Variants in LINGO2 observed in about 807,000 individuals in gnomAD.
LINGO2 encodes leucine-rich repeat and immunoglobulin-like domain-containing nogo receptor-interacting protein 2.
Under a neutral mutation model 30.6 loss-of-function variants are expected in LINGO2, and 14 were observed. The observed-to-expected ratio is 0.46, with a 90% confidence interval of 0.30 to 0.72. The LOEUF (loss-of-function observed/expected upper bound fraction) is 0.72. Ranked by LOEUF, LINGO2 falls within the 30% of genes least tolerant of loss-of-function variation. The probability of loss-of-function intolerance (pLI) is 0.07; values close to 1 mark genes in which losing one functional copy is unlikely to be tolerated. For missense variants in LINGO2, 729 were observed against 751.7 expected (o/e 0.97, Z 0.35); for synonymous variants, 317 against 288.5 (o/e 1.10, Z -1.00).
chr9:28,813,772 G>A, the LINGO2 span, among the ~76,000 whole-genome samples: 1 of 152,156 alleles, frequency 6.6e-6, no homozygotes, highest in African/African-American at 2.4e-5. Context: ...CTTTAGATTA[G>A]GTAATCAAAG....
chr9:28,541,739 A>G (rs1821708356), intron 1 of LINGO2, among the ~76,000 whole-genome samples: 1 of 152,196 alleles, frequency 6.6e-6, no homozygotes, highest in African/African-American at 2.4e-5. Context: ...AAATCATTAC[A>G]GGGAGCAGAT....
the LINGO2 span, among the ~76,000 whole-genome samples, chr9:29,044,811 C>T: frequency 1.8e-4 from 27 of 152,092 alleles, no homozygotes; most frequent in South Asian, 1.9e-3. Flanking sequence ...CTGGAGCCTA[C>T]GTACACTGCT....
At chr9:28,719,276 G>A in the LINGO2 span, among the ~76,000 whole-genome samples, 184 of 152,044 alleles carry the variant, frequency 1.2e-3, 1 homozygote, top group African/African-American at 4.1e-3. Flanking sequence ...CAACGAACAT[G>A]TTGAACACTC....
chr9:28,344,527 G>A (rs1046031972), intron 3 of LINGO2, among the ~76,000 whole-genome samples: 2 of 151,870 alleles, frequency 1.3e-5, no homozygotes, highest in African/African-American at 4.8e-5. Context: ...AAAGTATCTG[G>A]GTATATATAC....
chr9:28,334,763 G>A (rs1462741180), intron 3 of LINGO2, among the ~76,000 whole-genome samples: 2 of 152,112 alleles, frequency 1.3e-5, no homozygotes, highest in Admixed American at 6.6e-5. Context: ...GCAGGTATTG[G>A]AGCACCACAG....
chr9:29,000,279 C>G, the LINGO2 span, among the ~76,000 whole-genome samples: 68 of 151,874 alleles, frequency 4.5e-4, no homozygotes, highest in Admixed American at 1.1e-3. Context: ...TCTTTCTATT[C>G]ATTTTGTGAG....
intron 2 of LINGO2, among the ~76,000 whole-genome samples, chr9:28,424,079 T>C (rs569902445): frequency 6.6e-6 from 1 of 152,096 alleles, no homozygotes; most frequent in African/African-American, 2.4e-5. Context: ...CTTGTCCACA[T>C]TGTCTGTCAT....
chr9:28,488,544 T>C (rs1460322596), intron 1 of LINGO2, among the ~76,000 whole-genome samples: 8 of 152,162 alleles, frequency 5.3e-5, no homozygotes, highest in African/African-American at 2.4e-5. Flanking sequence ...TAATTGTTTA[T>C]ATATTAAGCA....
the LINGO2 span, among the ~76,000 whole-genome samples, chr9:28,789,615 T>C: frequency 6.6e-6 from 1 of 152,090 alleles, no homozygotes; most frequent in South Asian, 2.1e-4. Context: ...AGGTCTAGAA[T>C]TTACACCATG....
chr9:29,205,688 G>T, the LINGO2 span, among the ~76,000 whole-genome samples: 1 of 152,132 alleles, frequency 6.6e-6, no homozygotes, highest in Non-Finnish European at 1.5e-5. Context: ...AGTTTACTTT[G>T]TAGGAAGATT....
chr9:27,987,992 T>TC (rs1821206880), intron 5 of LINGO2, among the ~76,000 whole-genome samples: 1 of 152,034 alleles, frequency 6.6e-6, no homozygotes, highest in Non-Finnish European at 1.5e-5. Context: ...CCTAATGCTA[T>TC]CCCTCCTCCA....
chr9:29,201,536 T>A, the LINGO2 span, among the ~76,000 whole-genome samples: 1 of 152,068 alleles, frequency 6.6e-6, no homozygotes, highest in South Asian at 2.1e-4. Context: ...TTGTTATCTT[T>A]GTTCTATAAC....
intron 1 of LINGO2, among the ~76,000 whole-genome samples, chr9:28,641,992 G>T (rs914179823): frequency 2.7e-5 from 4 of 150,280 alleles, no homozygotes; most frequent in Admixed American, 6.6e-5. Context: ...TCTCACATAT[G>T]CTCTGTATTT....
At chr9:28,169,410 A>T (rs1355154886) in intron 4 of LINGO2, among the ~76,000 whole-genome samples, 2 of 152,248 alleles carry the variant, frequency 1.3e-5, no homozygotes, top group Non-Finnish European at 2.9e-5. Flanking sequence ...CAGAATAAGA[A>T]TGAGGCTTTT....
intron 5 of LINGO2, among the ~76,000 whole-genome samples, chr9:27,993,682 A>G (rs1008297535): frequency 6.6e-6 from 1 of 152,166 alleles, no homozygotes; most frequent in African/African-American, 2.4e-5. Context: ...GTAATTTATT[A>G]GTGTCTAAAT....
At position 28,287,210 on chromosome 9, in the gene LINGO2, C is replaced by G. The variant is rs7870700; in HGVS notation, c.-87+7998G>C. ...CTTCTCTGAAAATACATGACTCAAT[C>G]ATACAAAAAATACTGACTCTGATGT... is the stretch of plus-strand genomic sequence containing the variant. On this transcript the variant is annotated intron_variant, in intron 4 of 5. Transcript: ENST00000379992. 8.3e-3 allele frequency among the ~76,000 whole-genome samples: 1,259 copies of G among 152,286 alleles called. 24 individuals are homozygous for G. The highest frequency in any genetic ancestry group is 0.029 in the African/African-American group (1,196 of 41,568).
rs1452937724 is a variant in LINGO2 at position 28,148,751 on chromosome 9, G to C, written c.-86-136346C>G. On this transcript the variant is annotated intron_variant, in intron 4 of 5. Coordinates refer to ENST00000379992, the Ensembl canonical transcript of LINGO2. The surrounding 1 kb of genome is among the most constrained non-coding windows in gnomAD (Gnocchi z 5.1). The stretch of plus-strand genomic sequence containing the variant: ...AGGCATCCTTCCCTTTGGGAAGCCT[G>C]ACCCACTTCCAACAGTGCTCCCTGC... The C allele has an allele frequency of 6.5e-7, 1 of 1,533,934 alleles. No homozygotes were observed. The highest frequency in any genetic ancestry group is 8.7e-7 in the Non-Finnish European group (1 of 1,146,602).
the LINGO2 span, among the ~76,000 whole-genome samples, chr9:29,101,124 T>C: frequency 6.6e-6 from 1 of 152,188 alleles, no homozygotes; most frequent in Non-Finnish European, 1.5e-5. Flanking sequence ...ATGTCATAAC[T>C]TTAGCAAGGT....
chr9:28,519,459 C>T (rs1272485749), intron 1 of LINGO2, among the ~76,000 whole-genome samples: 1 of 152,088 alleles, frequency 6.6e-6, no homozygotes, highest in Non-Finnish European at 1.5e-5. Context: ...TTTGGAAACG[C>T]TGAGCTATAT....
Sources: allele counts gnomAD v4.1 joint callset (sites outside exome capture counted in the v4.1 genomes callset), GRCh38; gene constraint gnomAD v4.1.1; non-coding constraint Gnocchi (gnomAD v3.1); transcripts MANE v1.5; gene names NCBI Gene and HGNC (gene_info 2026-07-23, HGNC 2026-07-21).